UIMC1: variants seen among roughly 807,000 people sequenced by gnomAD.
UIMC1 encodes the protein ubiquitin interaction motif containing 1.
Under a neutral mutation model 84.9 loss-of-function variants are expected in UIMC1, and 42 were observed. The observed-to-expected ratio is 0.49, with a 90% CI of 0.39 to 0.64. The LOEUF (loss-of-function observed/expected upper bound fraction) is 0.64. Among genes scored for constraint, UIMC1 ranks in the 30% least tolerant of loss-of-function variants. The pLI, the probability that UIMC1 is intolerant of heterozygous loss-of-function variation, is 0.00. For missense variants in UIMC1, 825 were observed against 847.6 expected (o/e 0.97, Z 0.33); for synonymous variants, 281 against 293.0 (o/e 0.96, Z 0.42).
At chr5:177,010,709 G>C (rs1450897418), upstream of UIMC1, among the ~76,000 whole-genome samples, 1 of 152,068 alleles carries the variant, frequency 6.6e-6, no homozygotes, top group Non-Finnish European at 1.5e-5. Context: ...TTTTAGTAGA[G>C]ATTGGGTTTC....
chr5:176,951,425 T>C, intron 9 of UIMC1, 49 bp downstream of exon 9: 2 of 1,390,346 alleles, frequency 1.4e-6, no homozygotes, highest in South Asian at 3.2e-5. Context: ...GAGAGAGGAC[T>C]GCCAACGGAA....
In UIMC1 at chr5:176,931,511, G is replaced by C. The variant is rs116531102; in HGVS notation, c.1597+11824C>G. On this transcript the variant is annotated intron_variant, in intron 10 of 14. Coordinates refer to ENST00000511320, the MANE Select transcript of UIMC1 (RefSeq NM_001199298.2). Reference sequence around the variant, plus strand: ...ATGAATAGGGATAACTGAAGTGAAGGCAAAGTCAATATTAAGAGAGGAACA... The same window carrying C: ...ATGAATAGGGATAACTGAAGTGAAGCCAAAGTCAATATTAAGAGAGGAACA... Among the ~76,000 whole-genome samples, 1,384 of 152,264 alleles carry C rather than the reference G, an allele frequency of 9.1e-3. 8 individuals carry two copies. Among genetic ancestry groups the C allele is most frequent in the South Asian group, 0.025 (121 of 4,818 alleles).
chr5:176,955,879 G>T, intron 8 of UIMC1, 80 bp downstream of exon 8: 2 of 1,377,982 alleles, frequency 1.5e-6, no homozygotes, highest in African/African-American at 1.4e-5. Flanking sequence ...GAGTAGGTTT[G>T]AAGAGTCAGA....
At chr5:176,981,149 T>TC (rs1472537396) in intron 2 of UIMC1, among the ~76,000 whole-genome samples, 1 of 149,986 alleles carries the variant, frequency 6.7e-6, no homozygotes, top group East Asian at 1.9e-4. Flanking sequence ...TGTTGGTTTT[T>TC]TTTTTTTTTT....
intron 1 of UIMC1, among the ~76,000 whole-genome samples, chr5:176,998,601 C>A (rs1773985549): frequency 6.6e-6 from 1 of 151,702 alleles, no homozygotes; most frequent in South Asian, 2.1e-4. Flanking sequence ...AACCCTGTCT[C>A]TACTAAAAAT....
At chr5:177,004,616 G>C (rs1016591979) in intron 1 of UIMC1, among the ~76,000 whole-genome samples, 1 of 152,190 alleles carries the variant, frequency 6.6e-6, no homozygotes, top group Non-Finnish European at 1.5e-5. Context: ...AATGTCTCCA[G>C]AAAGATGCAG....
chr5:176,952,750 T>C (rs764081210), intron 8 of UIMC1, among the ~76,000 whole-genome samples: 62 of 151,990 alleles, frequency 4.1e-4, no homozygotes, highest in Non-Finnish European at 8.2e-4. Context: ...TGAGCTATGA[T>C]CACACCACTG....
chr5:176,970,465 A>C (rs1368283729), intron 4 of UIMC1: 1 of 439,504 alleles, frequency 2.3e-6, no homozygotes, highest in Non-Finnish European at 4.2e-6. Flanking sequence ...GTATTCAGTA[A>C]GTCTTTTCAG....
chr5:176,932,589 TACTGGGA>T (rs1374713479), intron 10 of UIMC1, among the ~76,000 whole-genome samples: 2 of 152,174 alleles, frequency 1.3e-5, no homozygotes, highest in African/African-American at 4.8e-5. Context: ...CGAATCCTAA[TACTGGGA>T]GGGAAAGTGC....
chr5:176,928,260 A>G (rs1005331886), intron 10 of UIMC1, among the ~76,000 whole-genome samples: 2 of 152,188 alleles, frequency 1.3e-5, no homozygotes, highest in African/African-American at 4.8e-5. Context: ...CAAAGACTTG[A>G]GTAGTTGCGA....
intron 10 of UIMC1, among the ~76,000 whole-genome samples, chr5:176,934,404 C>T (rs949894793): frequency 2.6e-5 from 4 of 152,170 alleles, no homozygotes; most frequent in African/African-American, 7.2e-5. Context: ...TGTCCCTTTA[C>T]GTTTTCTCCG....
At chr5:177,005,099 G>A (rs950173829) in intron 1 of UIMC1, among the ~76,000 whole-genome samples, 6 of 151,654 alleles carry the variant, frequency 4.0e-5, no homozygotes, top group African/African-American at 1.5e-4. Context: ...AAGAGACAGG[G>A]TCTCACTCTC....
upstream of UIMC1, among the ~76,000 whole-genome samples, chr5:177,010,010 T>C (rs776621268): frequency 2.0e-5 from 3 of 151,488 alleles, no homozygotes; most frequent in Non-Finnish European, 2.9e-5. Context: ...AAATTAAATT[T>C]AAAAATAAAA....
At position 176,917,241 on chromosome 5, in the gene UIMC1, G is replaced by A. The variant is rs565139499; in HGVS notation, c.1598-5852C>T. On this transcript the variant is annotated intron_variant, in intron 10 of 14. Coordinates refer to ENST00000511320, the MANE Select transcript of UIMC1 (RefSeq NM_001199298.2). ...TGCTCACTGCCTCCCTACAACCAAC[G>A]ACCTCAGAGACCAGTCTCAATTAAA... Among the ~76,000 whole-genome samples the A allele has an allele frequency of 3.9e-5, 6 of 152,280 alleles. No homozygotes were observed. In the East Asian group the frequency reaches 1.2e-3, roughly 29 times the overall value.
chr5:176,948,148 G>A (rs1373053081), intron 9 of UIMC1, among the ~76,000 whole-genome samples: 1 of 152,188 alleles, frequency 6.6e-6, no homozygotes, highest in African/African-American at 2.4e-5. Flanking sequence ...GCTCCTCTGA[G>A]AATAGGATAT....
chr5:176,999,330 G>C (rs955058635), intron 1 of UIMC1, among the ~76,000 whole-genome samples: 1 of 152,092 alleles, frequency 6.6e-6, no homozygotes, highest in African/African-American at 2.4e-5. Context: ...GAGATGCTTT[G>C]TTACAGGTAC....
chr5:176,970,677 A>C (rs551848604), intron 4 of UIMC1, 65 bp downstream of exon 4: 23 of 1,611,836 alleles, frequency 1.4e-5, no homozygotes, highest in East Asian at 8.9e-5. Context: ...TGCAACTACA[A>C]CACCACAGAA....
chr5:176,962,522 T>G (rs1264066907), intron 6 of UIMC1, among the ~76,000 whole-genome samples: 1 of 63,342 alleles, frequency 1.6e-5, no homozygotes, highest in Non-Finnish European at 3.2e-5. Context: ...GGGAGGGAGG[T>G]GGGGGGGGTC....
At chr5:176,971,512 C>T (rs1246890414) in intron 3 of UIMC1, among the ~76,000 whole-genome samples, 1 of 152,184 alleles carries the variant, frequency 6.6e-6, no homozygotes, top group Admixed American at 6.5e-5. Context: ...ATCGAAAGAA[C>T]TTAGGAGCCA....
Sources: gnomAD v4.1 joint callset for allele counts (sites outside exome capture counted in the v4.1 genomes callset) on GRCh38, gnomAD v4.1.1 for gene constraint, MANE v1.5 for transcripts, NCBI Gene and HGNC (gene_info 2026-07-23, HGNC 2026-07-21) for gene names.